Variants in SKAP1 observed in about 807,000 individuals in gnomAD.
SKAP1 encodes the protein src kinase-associated phosphoprotein 1.
SKAP1 carries 44 observed loss-of-function variants against 58.5 expected under a neutral mutation model. The observed-to-expected ratio is 0.75, with a 90% CI of 0.59 to 0.97. The LOEUF (loss-of-function observed/expected upper bound fraction) is 0.97, where lower values mean the gene tolerates loss of function less well. Ranked by LOEUF, SKAP1 falls within the 50% of genes least tolerant of loss-of-function variation. SKAP1 has a pLI of 0.00. For missense variants in SKAP1, 390 were observed against 435.2 expected (o/e 0.90, Z 0.92); for synonymous variants, 127 against 149.7 (o/e 0.85, Z 1.11).
chr17:48,224,070 GGAGGAGGAGGAGGAGGAA>G (rs1377642201), intron 4 of SKAP1, among the ~76,000 whole-genome samples: 3 of 51,504 alleles, frequency 5.8e-5, no homozygotes, highest in Non-Finnish European at 8.8e-5. Flanking sequence ...AGGAGGAGAA[GGAGGAGGAGGAGGAGGAA>G]GAGGAGGAGG....
At chr17:48,402,845 T>C (rs2067517325) in intron 1 of SKAP1, among the ~76,000 whole-genome samples, 1 of 152,224 alleles carries the variant, frequency 6.6e-6, no homozygotes, top group South Asian at 2.1e-4. Context: ...TGATTCCATT[T>C]ACATGAAATG....
intron 11 of SKAP1, among the ~76,000 whole-genome samples, chr17:48,143,189 CTTTT>C (rs1329483693): frequency 9.4e-6 from 1 of 106,324 alleles, no homozygotes. Flanking sequence ...AATTCTTTAG[CTTTT>C]TTTTTTTTTT....
At chr17:48,226,518 T>C (rs1044196663) in intron 4 of SKAP1, among the ~76,000 whole-genome samples, 1 of 152,190 alleles carries the variant, frequency 6.6e-6, no homozygotes, top group African/African-American at 2.4e-5. Flanking sequence ...TATCTAAGTC[T>C]ACTTTAACTA....
At chr17:48,327,212 A>G (rs1162636681) in intron 4 of SKAP1, among the ~76,000 whole-genome samples, 1 of 152,218 alleles carries the variant, frequency 6.6e-6, no homozygotes, top group Non-Finnish European at 1.5e-5. Context: ...TTGCGTAGGC[A>G]AAAGGTTTAT....
intron 3 of SKAP1, among the ~76,000 whole-genome samples, chr17:48,362,029 T>A (rs765665519): frequency 7.2e-5 from 11 of 151,864 alleles, no homozygotes; most frequent in Non-Finnish European, 1.3e-4. Flanking sequence ...AGGGCATGAG[T>A]TTTTCTATGT....
At chr17:48,327,723 G>A (rs1035438915) in intron 4 of SKAP1, among the ~76,000 whole-genome samples, 2 of 151,982 alleles carry the variant, frequency 1.3e-5, no homozygotes, top group African/African-American at 2.4e-5. Flanking sequence ...CAACCTCCTG[G>A]GCTCAAGCCG....
intron 4 of SKAP1, among the ~76,000 whole-genome samples, chr17:48,304,967 C>A (rs561158500): frequency 2.4e-4 from 36 of 152,194 alleles, no homozygotes; most frequent in South Asian, 1.5e-3. Context: ...AGGTTCAACT[C>A]CTTATTCTGT....
chr17:48,192,762 A>G (rs893885135), intron 4 of SKAP1, among the ~76,000 whole-genome samples: 16 of 152,138 alleles, frequency 1.1e-4, no homozygotes, highest in African/African-American at 3.9e-4. Flanking sequence ...TTCTCTCCCC[A>G]CCAACTGAAA....
intron 4 of SKAP1, among the ~76,000 whole-genome samples, chr17:48,196,941 G>C (rs1225376737): frequency 6.6e-6 from 1 of 152,190 alleles, no homozygotes; most frequent in African/African-American, 2.4e-5. Flanking sequence ...ACCTATAAGA[G>C]GGCACAGCCA....
chr17:48,300,868 C>T (rs992752533), intron 4 of SKAP1, among the ~76,000 whole-genome samples: 4 of 152,212 alleles, frequency 2.6e-5, no homozygotes, highest in African/African-American at 9.6e-5. Flanking sequence ...GCCTTCTCCT[C>T]CCTTCAAGTA....
At chr17:48,221,340 T>C (rs2065004452) in intron 4 of SKAP1, among the ~76,000 whole-genome samples, 1 of 152,170 alleles carries the variant, frequency 6.6e-6, no homozygotes, top group African/African-American at 2.4e-5. Context: ...ATATGATGTA[T>C]TGCAATAAAA....
intron 2 of SKAP1, among the ~76,000 whole-genome samples, chr17:48,391,102 C>T (rs775941179): frequency 2.0e-5 from 3 of 151,942 alleles, no homozygotes; most frequent in African/African-American, 4.8e-5. Context: ...CTAACAACAA[C>T]AACAACAACA....
At chr17:48,390,037 A>G (rs2067326911) in intron 2 of SKAP1, among the ~76,000 whole-genome samples, 1 of 152,224 alleles carries the variant, frequency 6.6e-6, no homozygotes, top group Non-Finnish European at 1.5e-5. Context: ...GGAATCTTCA[A>G]GTGACTCAGT....
At chr17:48,369,835 C>G (rs2144423797) in intron 2 of SKAP1, among the ~76,000 whole-genome samples, 1 of 152,214 alleles carries the variant, frequency 6.6e-6, no homozygotes, top group South Asian at 2.1e-4. Flanking sequence ...AGAACAGGAC[C>G]TCTAATGAGA....
intron 1 of SKAP1, among the ~76,000 whole-genome samples, chr17:48,427,789 C>G (rs746495092): frequency 9.2e-5 from 14 of 151,808 alleles, no homozygotes; most frequent in Non-Finnish European, 1.6e-4. Context: ...GGAAACCCCA[C>G]CCCCACAGCC....
chr17:48,290,596 CTATTT>C, intron 4 of SKAP1, among the ~76,000 whole-genome samples: 1 of 152,168 alleles, frequency 6.6e-6, no homozygotes, highest in Non-Finnish European at 1.5e-5. Flanking sequence ...TCTCTCTTCC[CTATTT>C]TATTTCTCAC....
At chr17:48,322,852 T>C (rs1275657216) in intron 4 of SKAP1, among the ~76,000 whole-genome samples, 1 of 152,188 alleles carries the variant, frequency 6.6e-6, no homozygotes, top group Non-Finnish European at 1.5e-5. Context: ...TCCCAGCACG[T>C]TGGGAGGCCA....
chr17:48,341,621 C>T (rs1200449370), intron 4 of SKAP1, among the ~76,000 whole-genome samples: 1 of 152,114 alleles, frequency 6.6e-6, no homozygotes, highest in African/African-American at 2.4e-5. Context: ...AACATGTTTG[C>T]AGTTCCTTTT....
At chr17:48,252,095 G>A (rs1838675419) in intron 4 of SKAP1, among the ~76,000 whole-genome samples, 1 of 152,134 alleles carries the variant, frequency 6.6e-6, no homozygotes, top group African/African-American at 2.4e-5. Context: ...TGATAAAATT[G>A]TGATGATTCT....
Sources: allele counts gnomAD v4.1 joint callset (sites outside exome capture counted in the v4.1 genomes callset), GRCh38; gene constraint gnomAD v4.1.1; transcripts MANE v1.5; gene names NCBI Gene and HGNC (gene_info 2026-07-23, HGNC 2026-07-21).